Variants in GARNL3 observed in about 807,000 individuals in gnomAD.
GARNL3 encodes the protein GTPase-activating Rap/Ran-GAP domain-like protein 3.
In GARNL3, 63 loss-of-function variants were observed where a neutral mutation model predicts 125.0. The ratio of observed to expected loss-of-function variants is 0.50; its 90% CI spans 0.41 to 0.62. The LOEUF (loss-of-function observed/expected upper bound fraction) is 0.62. Among genes scored for constraint, GARNL3 ranks in the 20% least tolerant of loss-of-function variants. GARNL3 has a pLI of 0.00. For missense variants in GARNL3, 994 were observed against 1,244.0 expected (o/e 0.80, Z 3.02); for synonymous variants, 439 against 457.5 (o/e 0.96, Z 0.52).
At chr9:127,304,067 T>C (rs940111760) in intron 2 of GARNL3, among the ~76,000 whole-genome samples, 5 of 152,226 alleles carry the variant, frequency 3.3e-5, no homozygotes, top group Admixed American at 6.5e-5. Context: ...CATGAGTGTT[T>C]GCAATGTTAA....
chr9:127,344,222 TTTTC>T lies in GARNL3; in HGVS notation c.1252-9_1252-6del. 1 of 1,571,612 alleles carries T rather than the reference TTTTC, an allele frequency of 6.4e-7. No homozygotes were observed. Among genetic ancestry groups the T allele is most frequent in the Non-Finnish European group, 8.7e-7 (1 of 1,151,446 alleles). ...ACTGTTTGTGGAATTCATAACTTGT[TTTTC>T]TTTTTTAGAACATGCTTAATAGACG... On this transcript the variant is annotated splice_polypyrimidine_tract_variant and intron_variant, in intron 14 of 27. Coordinates refer to ENST00000373387, the MANE Select transcript of GARNL3 (RefSeq NM_032293.5).
intron 2 of GARNL3, among the ~76,000 whole-genome samples, chr9:127,293,107 T>C (rs2064475196): frequency 6.6e-6 from 1 of 152,232 alleles, no homozygotes; most frequent in Non-Finnish European, 1.5e-5. Context: ...TTGGTGGTCT[T>C]CAGTTAAAAG....
At chr9:127,311,217 C>T (rs1016982820) in intron 2 of GARNL3, among the ~76,000 whole-genome samples, 2 of 150,724 alleles carry the variant, frequency 1.3e-5, no homozygotes, top group East Asian at 1.9e-4. Flanking sequence ...AAGAAAAATA[C>T]GTATGTATAT....
chr9:127,278,099 G>A (rs1207556590), intron 1 of GARNL3, among the ~76,000 whole-genome samples: 1 of 152,026 alleles, frequency 6.6e-6, no homozygotes, highest in Non-Finnish European at 1.5e-5. Flanking sequence ...TGCATGTGAT[G>A]CTGATATACT....
rs892732915 is a variant in GARNL3, at chr9:127,385,745, G to A, written c.2388+600G>A. On this transcript the variant is annotated intron_variant, in intron 24 of 27. Coordinates refer to ENST00000373387, the MANE Select transcript of GARNL3 (RefSeq NM_032293.5). The surrounding 1 kb of genome is among the most constrained non-coding windows in gnomAD (Gnocchi z 4.1). ...CAGACTGGGCTGGCTCCCCCGCTGT[G>A]TCCCCTGTTCCCTTCCCTGGTCCTG... is the stretch of plus-strand genomic sequence containing the variant. 6.6e-6 allele frequency among the ~76,000 whole-genome samples: 1 copy of A among 152,182 alleles called. No homozygotes were observed. Among genetic ancestry groups the A allele is most frequent in the South Asian group, 2.1e-4 (1 of 4,828 alleles).
intron 22 of GARNL3, among the ~76,000 whole-genome samples, chr9:127,377,287 C>T (rs1831969675): frequency 6.6e-6 from 1 of 152,072 alleles, no homozygotes; most frequent in African/African-American, 2.4e-5. Flanking sequence ...CATTTCAAAT[C>T]TGTAGAGACA....
intron 7 of GARNL3, 29 bp downstream of exon 7, chr9:127,325,124 C>T (rs2065528237): frequency 6.3e-7 from 1 of 1,599,354 alleles, no homozygotes; most frequent in South Asian, 1.1e-5. Flanking sequence ...ATATTTGCAC[C>T]TGCTCTGCCT....
intron 13 of GARNL3, among the ~76,000 whole-genome samples, chr9:127,341,554 C>G (rs562088779): frequency 6.6e-6 from 1 of 152,296 alleles, no homozygotes; most frequent in Admixed American, 6.5e-5. Flanking sequence ...GAAACAGAGT[C>G]AGCAACAGAG....
chr9:127,387,701 C>T (rs2131833905), intron 25 of GARNL3, among the ~76,000 whole-genome samples: 1 of 149,788 alleles, frequency 6.7e-6, no homozygotes, highest in East Asian at 2.0e-4. Context: ...CGAGAGCACG[C>T]CATTGCACTC....
intron 13 of GARNL3, among the ~76,000 whole-genome samples, chr9:127,340,284 T>C (rs1226790680): frequency 6.6e-6 from 1 of 152,090 alleles, no homozygotes; most frequent in Non-Finnish European, 1.5e-5. Context: ...ATATTTTCAC[T>C]CTACTGGTAA....
At chr9:127,290,216 T>C (rs2064373501) in intron 1 of GARNL3, among the ~76,000 whole-genome samples, 1 of 152,392 alleles carries the variant, frequency 6.6e-6, no homozygotes, top group Non-Finnish European at 1.5e-5. Context: ...ATATTTATCG[T>C]AGGAAAAATT....
intron 27 of GARNL3, among the ~76,000 whole-genome samples, chr9:127,391,533 A>AAAAAAAAAAAAAATATATATATATATAT: frequency 1.3e-5 from 1 of 75,874 alleles, no homozygotes; most frequent in Non-Finnish European, 3.2e-5. Context: ...ACAAAAAAAA[A>AAAAAAAAAAAAAATATATATATATATAT]ATATATATAT....
chr9:127,382,996 G>A (rs1832348240), intron 22 of GARNL3, among the ~76,000 whole-genome samples: 1 of 152,178 alleles, frequency 6.6e-6, no homozygotes, highest in Non-Finnish European at 1.5e-5. Context: ...AGACAGTAGG[G>A]CATAGGCATT....
chr9:127,264,794 G>A lies in GARNL3; in HGVS notation c.-84G>A. 1 of 1,338,288 alleles carries A rather than the reference G, an allele frequency of 7.5e-7. No individual in the cohort carries two copies. Among genetic ancestry groups the A allele is most frequent in the Non-Finnish European group, 9.7e-7 (1 of 1,035,092 alleles). 82.9% of individuals were successfully genotyped at this position (1,338,288 alleles called of 1,614,324 possible). On this transcript the variant is annotated 5_prime_UTR_variant, in exon 1 of 28. Coordinates refer to ENST00000373387, the MANE Select transcript of GARNL3 (RefSeq NM_032293.5). Reference sequence around the variant, plus strand: ...AAGCCAGGCTCTGCAATGGCTGCTGGGGACTGTGTCTGTTGCAAGGAGGCT... The same window carrying A: ...AAGCCAGGCTCTGCAATGGCTGCTGAGGACTGTGTCTGTTGCAAGGAGGCT...
intron 10 of GARNL3, 34 bp from the exon 11 acceptor site, chr9:127,336,094 T>G (rs1829538298): frequency 6.9e-7 from 1 of 1,454,122 alleles, no homozygotes; most frequent in South Asian, 1.2e-5. Flanking sequence ...TGTTTGAGAG[T>G]CTTTCTCAGT....
intron 1 of GARNL3, among the ~76,000 whole-genome samples, chr9:127,241,939 G>T (rs1240855798): frequency 6.8e-5 from 7 of 102,818 alleles, no homozygotes; most frequent in African/African-American, 1.2e-4. Context: ...GGCCTGGTTT[G>T]TTGTTGTTGT....
rs770948359 is a variant in GARNL3 at position 127,243,187 on chromosome 9, C to T, written c.81C>T (p.Phe27=). The T allele has an allele frequency of 9.5e-6, 13 of 1,366,424 alleles. No homozygotes were observed. In the East Asian group the frequency reaches 1.4e-4, roughly 14 times the overall value. 84.6% of individuals were successfully genotyped at this position (1,366,424 alleles called of 1,614,324 possible). A position where few individuals can be genotyped will look rare whatever the true frequency, so the allele number is the denominator to read the frequency against. The change falls in exon 2 of 11, where the codon TTC becomes TTT. Residue 27 remains phenylalanine (F), a synonymous_variant. Transcript: ENST00000439286. ...GGAAAGCAAAGTCGTCTCTCTCCTTCGGCATCCAGCCCCTTCAGACATGGC... is the reference window on the plus strand; with the variant it reads ...GGAAAGCAAAGTCGTCTCTCTCCTTTGGCATCCAGCCCCTTCAGACATGGC...
At chr9:127,354,030 C>A in intron 18 of GARNL3, 86 bp downstream of exon 18, 1 of 888,512 alleles carries the variant, frequency 1.1e-6, no homozygotes, top group Non-Finnish European at 1.9e-6. Flanking sequence ...CAGGGTCTGA[C>A]TGCATAAGTT....
chr9:127,322,406 GA>G lies in GARNL3; in HGVS notation c.567+1640del, dbSNP rs199736994. 7.0e-3 allele frequency among the ~76,000 whole-genome samples: 961 copies of G among 136,990 alleles called. 23 individuals carry two copies. In the East Asian group the frequency reaches 0.088, roughly 13 times the overall value. 89.9% of individuals were successfully genotyped at this position (136,990 alleles called of 152,430 possible). A position where few individuals can be genotyped will look rare whatever the true frequency, so the allele number is the denominator to read the frequency against. On this transcript the variant is annotated intron_variant, in intron 6 of 27. Coordinates refer to ENST00000373387, the MANE Select transcript of GARNL3 (RefSeq NM_032293.5). ...GTCTGATTTTTCTAGGAGAGGAAAA[GA>G]AAAAAAAAAAAGATATAGCAGCATT...
Sources: allele counts gnomAD v4.1 joint callset (sites outside exome capture counted in the v4.1 genomes callset), GRCh38; gene constraint gnomAD v4.1.1; non-coding constraint Gnocchi (gnomAD v3.1); transcripts MANE v1.5; gene names NCBI Gene and HGNC (gene_info 2026-07-23, HGNC 2026-07-21).